IQUB: variants seen among roughly 807,000 people sequenced by gnomAD.
The protein encoded by IQUB is IQ motif and ubiquitin domain containing.
IQUB carries 86 observed loss-of-function variants against 86.4 expected under a neutral mutation model. The observed-to-expected ratio is 1.00, with a 90% CI of 0.84 to 1.19. IQUB has a LOEUF of 1.19. Among genes scored for constraint, IQUB ranks in the 50% most tolerant of loss-of-function variants. IQUB has a pLI of 0.00. For missense variants in IQUB, 946 were observed against 916.9 expected, an observed-to-expected ratio of 1.03 and a Z score of -0.41; for synonymous variants, 289 against 304.5, an observed-to-expected ratio of 0.95 and a Z score of 0.53.
chr7:123,527,856 C>G (rs1233104693), intron 1 of IQUB, among the ~76,000 whole-genome samples: 1 of 152,214 alleles, frequency 6.6e-6, no homozygotes, highest in East Asian at 1.9e-4. Flanking sequence ...GTTGGAGCTT[C>G]CCAGCTGCTT....
At chr7:123,519,041 CA>C (rs1368409369) in intron 1 of IQUB, among the ~76,000 whole-genome samples, 1 of 151,890 alleles carries the variant, frequency 6.6e-6, no homozygotes, top group Non-Finnish European at 1.5e-5. Context: ...TAAAAATAGC[CA>C]ACAGGTATAT....
intron 11 of IQUB, among the ~76,000 whole-genome samples, chr7:123,459,245 A>G (rs1204943699): frequency 1.3e-5 from 2 of 151,952 alleles, no homozygotes; most frequent in Non-Finnish European, 2.9e-5. Context: ...TTTTCATTCA[A>G]TATGTGTAAT....
intron 10 of IQUB, 33 bp from the exon 11 acceptor site, chr7:123,461,638 C>A: frequency 1.3e-6 from 2 of 1,507,310 alleles, no homozygotes; most frequent in Admixed American, 2.3e-5. Context: ...AAAAAAAGGT[C>A]TAAAAAGCCA....
intron 1 of IQUB, among the ~76,000 whole-genome samples, chr7:123,526,517 C>T (rs1797216571): frequency 6.6e-6 from 1 of 151,940 alleles, no homozygotes; most frequent in Non-Finnish European, 1.5e-5. Context: ...ACTAGGATTG[C>T]AACCCCTGCC....
intron 1 of IQUB, among the ~76,000 whole-genome samples, chr7:123,516,393 A>G (rs2117289407): frequency 6.6e-6 from 1 of 152,308 alleles, no homozygotes; most frequent in East Asian, 1.9e-4. Context: ...AAATGATAAA[A>G]AGGGCATTTA....
chr7:123,472,360 T>A (rs1794563726), intron 8 of IQUB, among the ~76,000 whole-genome samples: 2 of 152,160 alleles, frequency 1.3e-5, no homozygotes. Context: ...TCAACAAATA[T>A]TTACTGTGTT....
chr7:123,457,326 C>T (rs12673749), intron 12 of IQUB, 55 bp downstream of exon 12: 428,575 of 1,576,936 alleles, frequency 0.27, 60,412 homozygotes, highest in East Asian at 0.33. Flanking sequence ...GTCCAGTTAT[C>T]GCTAATAATT....
At chr7:123,504,707 T>G (rs1339593736) in intron 3 of IQUB, among the ~76,000 whole-genome samples, 2 of 152,034 alleles carry the variant, frequency 1.3e-5, no homozygotes, top group African/African-American at 4.8e-5. Context: ...CCACCAGACC[T>G]CTCCTCCAAC....
chr7:123,493,091 A>T (rs1167608117), intron 7 of IQUB, among the ~76,000 whole-genome samples: 1 of 152,172 alleles, frequency 6.6e-6, no homozygotes, highest in Non-Finnish European at 1.5e-5. Context: ...GAAGTCTGAA[A>T]GCCCTCCTCT....
At chr7:123,508,321 A>AT (rs768092302) in intron 3 of IQUB, among the ~76,000 whole-genome samples, 1 of 152,148 alleles carries the variant, frequency 6.6e-6, no homozygotes, top group African/African-American at 2.4e-5. Context: ...TTAATTTTGG[A>AT]TTTTTTGCCT....
intron 1 of IQUB, among the ~76,000 whole-genome samples, chr7:123,527,333 T>A (rs1421219845): frequency 2.0e-5 from 3 of 152,256 alleles, no homozygotes; most frequent in Non-Finnish European, 4.4e-5. Context: ...TCATTCTCCA[T>A]CCAGCTTTGT....
intron 5 of IQUB, 23 bp from the exon 6 acceptor site, chr7:123,502,775 TA>T: frequency 6.5e-7 from 1 of 1,545,160 alleles, no homozygotes; most frequent in Non-Finnish European, 8.8e-7. Flanking sequence ...ATTAAAAATT[TA>T]AATCAGTATC....
intron 9 of IQUB, 134 bp from the exon 10 acceptor site, chr7:123,465,143 A>AT (rs2116992064): frequency 1.6e-6 from 1 of 609,610 alleles, no homozygotes; most frequent in Admixed American, 3.4e-5. Context: ...TAAATTGGCA[A>AT]AACTAATAGT....
At chr7:123,461,626 G>GA (rs746015977) in intron 10 of IQUB, 21 bp from the exon 11 acceptor site, 142 of 1,516,146 alleles carry the variant, frequency 9.4e-5, no homozygotes, top group African/African-American at 7.0e-4. Context: ...AGTAAAAAAA[G>GA]AAAAAAAAGG....
At chr7:123,506,675 G>A (rs1018582177) in intron 3 of IQUB, among the ~76,000 whole-genome samples, 1 of 151,978 alleles carries the variant, frequency 6.6e-6, no homozygotes, top group African/African-American at 2.4e-5. Flanking sequence ...CTCCCACAAG[G>A]CCCCTCCTCC....
At chr7:123,479,081 C>T (rs1036826676) in intron 8 of IQUB, among the ~76,000 whole-genome samples, 4 of 151,928 alleles carry the variant, frequency 2.6e-5, no homozygotes, top group Non-Finnish European at 4.4e-5. Context: ...AACAAATGTC[C>T]TCAAATAATA....
At chr7:123,520,642 G>A (rs1796859102) in intron 1 of IQUB, among the ~76,000 whole-genome samples, 1 of 152,168 alleles carries the variant, frequency 6.6e-6, no homozygotes, top group East Asian at 1.9e-4. Context: ...TAAGAAAAGA[G>A]CAATAGAAGA....
At chr7:123,454,276 G>A (rs1267072406) in intron 12 of IQUB, among the ~76,000 whole-genome samples, 1 of 151,888 alleles carries the variant, frequency 6.6e-6, no homozygotes, top group Non-Finnish European at 1.5e-5. Context: ...GGTTTTCAAG[G>A]TGCCTTTACA....
chr7:123,519,100 C>G (rs12671571), intron 1 of IQUB, among the ~76,000 whole-genome samples: 39,528 of 151,916 alleles, frequency 0.26, 5,350 homozygotes, highest in East Asian at 0.33. Flanking sequence ...CAAATCAAAA[C>G]CACAATAAGA....
Sources: allele counts gnomAD v4.1 joint callset (sites outside exome capture counted in the v4.1 genomes callset), GRCh38; gene constraint gnomAD v4.1.1; transcripts MANE v1.5; gene names NCBI Gene and HGNC (gene_info 2026-07-23, HGNC 2026-07-21).